Variants in DCHS2 observed in about 807,000 individuals in gnomAD.
The protein encoded by DCHS2 is dachsous cadherin-related 2.
Under a neutral mutation model 182.4 loss-of-function variants are expected in DCHS2, and 142 were observed. The observed-to-expected ratio is 0.78, with a 90% confidence interval of 0.68 to 0.89. DCHS2 has a LOEUF of 0.89. Among genes scored for constraint, DCHS2 ranks in the 40% least tolerant of loss-of-function variants. DCHS2 has a pLI of 0.00. For synonymous variants in DCHS2, 1,740 were observed against 1,663.3 expected (o/e 1.05, Z -1.12); for missense variants, 4,319 against 4,198.6 (o/e 1.03, Z -0.79).
intron 3 of DCHS2, among the ~76,000 whole-genome samples, chr4:154,340,750 A>T (rs969252604): frequency 6.6e-6 from 1 of 152,246 alleles, no homozygotes; most frequent in Non-Finnish European, 1.5e-5. Context: ...AAAGGGAAGA[A>T]AAAGGGAGAC....
intron 1 of DCHS2, among the ~76,000 whole-genome samples, chr4:154,431,047 C>A (rs1223928410): frequency 6.6e-6 from 1 of 152,182 alleles, no homozygotes; most frequent in African/African-American, 2.4e-5. Context: ...TTATTCTTAG[C>A]TGTCTACATG....
intron 1 of DCHS2, among the ~76,000 whole-genome samples, chr4:154,467,925 A>G (rs1006062447): frequency 1.3e-5 from 2 of 152,190 alleles, no homozygotes; most frequent in South Asian, 4.1e-4. Context: ...ATTGAATAGC[A>G]TGAAACAGTT....
At chr4:154,323,714 G>A (rs1736171315) in intron 7 of DCHS2, among the ~76,000 whole-genome samples, 1 of 152,112 alleles carries the variant, frequency 6.6e-6, no homozygotes, top group Admixed American at 6.5e-5. Context: ...TCAAAACTTT[G>A]TTTCATGCAC....
intron 16 of DCHS2, among the ~76,000 whole-genome samples, chr4:154,251,662 GA>G (rs1215048454): frequency 6.6e-6 from 1 of 152,106 alleles, no homozygotes; most frequent in Non-Finnish European, 1.5e-5. Flanking sequence ...GGGATTACAG[GA>G]GCCCGCCACC....
At chr4:154,430,840 G>A (rs1206401549) in intron 1 of DCHS2, among the ~76,000 whole-genome samples, 2 of 152,016 alleles carry the variant, frequency 1.3e-5, no homozygotes, top group East Asian at 1.9e-4. Context: ...ATCCTACCCT[G>A]TGGCCCTGCA....
At chr4:154,322,184 T>C (rs2111338430) in intron 8 of DCHS2, 147 bp downstream of exon 8, 1 of 1,169,062 alleles carries the variant, frequency 8.6e-7, no homozygotes, top group East Asian at 2.6e-5. Flanking sequence ...AAGTATGCTA[T>C]GTGCAATGCT....
At chr4:154,241,378 A>T (rs997862992) in intron 17 of DCHS2, among the ~76,000 whole-genome samples, 1 of 152,180 alleles carries the variant, frequency 6.6e-6, no homozygotes, top group African/African-American at 2.4e-5. Context: ...AATTATTAAG[A>T]CTATAGAAAA....
rs536762626 is a variant in DCHS2 at position 154,415,650 on chromosome 4, G to A, written c.2053-38206C>T. On this transcript the variant is annotated intron_variant, in intron 1 of 19. Transcript: ENST00000357232. ...CAAGTAAGCCTGACCTTGGGTACTG[G>A]AGACCTAAAGCTACGGTATCTCCAG... is the stretch of plus-strand genomic sequence containing the variant. Among the ~76,000 whole-genome samples the A allele has an allele frequency of 1.3e-3, 193 of 152,268 alleles. 1 individual carries two copies. The highest frequency in any genetic ancestry group is 4.4e-3 in the African/African-American group (182 of 41,552).
chr4:154,309,243 C>T (rs1015268009), intron 10 of DCHS2, among the ~76,000 whole-genome samples: 1 of 152,142 alleles, frequency 6.6e-6, no homozygotes. Context: ...TTCTGTACTC[C>T]ACCCTGTGAT....
At chr4:154,365,630 C>T (rs1387877529) in intron 3 of DCHS2, among the ~76,000 whole-genome samples, 2 of 151,472 alleles carry the variant, frequency 1.3e-5, no homozygotes, top group African/African-American at 4.9e-5. Context: ...AGGAGTCAGC[C>T]ACAGAGCCCA....
intron 13 of DCHS2, among the ~76,000 whole-genome samples, chr4:154,275,069 G>A (rs1733779026): frequency 6.6e-6 from 1 of 150,680 alleles, no homozygotes; most frequent in Admixed American, 6.6e-5. Context: ...ATATGTAAAA[G>A]GATTTTACTG....
At position 154,270,029 on chromosome 4, in the gene DCHS2, A is replaced by T. The variant is rs1733507263; in HGVS notation, c.6464-16T>A. ...ATAGAAGTACCTGTAAAAATTAGGT[A>T]AAAAAAGAACTCCATTAGGATAAAA... On this transcript the variant is annotated splice_polypyrimidine_tract_variant and intron_variant, in intron 13 of 19. Coordinates refer to ENST00000357232, the MANE Select transcript of DCHS2 (RefSeq NM_001358235.2). 1 of 1,582,126 alleles carries T rather than the reference A, an allele frequency of 6.3e-7. No homozygotes were observed. The highest frequency in any genetic ancestry group is 8.5e-7 in the Non-Finnish European group (1 of 1,170,248).
At chr4:154,244,312 G>C (rs1731975140) in intron 16 of DCHS2, among the ~76,000 whole-genome samples, 1 of 152,156 alleles carries the variant, frequency 6.6e-6, no homozygotes, top group African/African-American at 2.4e-5. Flanking sequence ...TCATGTGTTG[G>C]TCAACTGGAA....
chr4:154,481,454 G>C (rs1436864270), intron 1 of DCHS2, among the ~76,000 whole-genome samples: 2 of 151,976 alleles, frequency 1.3e-5, no homozygotes, highest in East Asian at 3.9e-4. Flanking sequence ...TAGAGGTTTT[G>C]CTCTGTTGCC....
At chr4:154,239,458 A>G (rs1251721428) in intron 18 of DCHS2, among the ~76,000 whole-genome samples, 156 bp from the exon 19 acceptor site, 1 of 152,204 alleles carries the variant, frequency 6.6e-6, no homozygotes, top group African/African-American at 2.4e-5. Context: ...TGGAATTGGC[A>G]TATTAAAAAG....
intron 1 of DCHS2, among the ~76,000 whole-genome samples, chr4:154,444,239 T>A (rs1482843414): frequency 2.0e-5 from 3 of 152,152 alleles, no homozygotes; most frequent in Middle Eastern, 3.2e-3. Context: ...GAATTGTATA[T>A]CCAATTCTGA....
intron 1 of DCHS2, among the ~76,000 whole-genome samples, chr4:154,443,236 A>G (rs550734070): frequency 3.9e-5 from 6 of 152,318 alleles, no homozygotes; most frequent in South Asian, 2.1e-4. Flanking sequence ...CTAGACCAAT[A>G]CGGCTAAACA....
intron 3 of DCHS2, among the ~76,000 whole-genome samples, chr4:154,340,197 G>A (rs1728999379): frequency 6.6e-6 from 1 of 151,972 alleles, no homozygotes; most frequent in African/African-American, 2.4e-5. Context: ...CTTAAAAATA[G>A]GATTCTAATT....
At position 154,320,679 on chromosome 4, in the gene DCHS2, G is replaced by A. The variant is rs139445399; in HGVS notation, c.4720C>T (p.Arg1574Cys). The A allele has an allele frequency of 2.3e-5, 37 of 1,613,872 alleles. No homozygotes were observed. The highest frequency in any genetic ancestry group is 6.6e-5 in the South Asian group (6 of 91,078). ...GTTGGAATGCTTTCTCTGTCAAGAC[G>A]GGACACAGTGACTAGTGTGCCAAAT... ...PSFGTLVTVS[R>C]LDRESIPTVI... The change falls in exon 9 of 20, where the codon CGT becomes TGT. Residue 1574 changes from arginine to cysteine, a missense_variant. Physicochemically the swap from Arg to Cys is radical, Grantham distance 180 (BLOSUM62 -3). Transcript: ENST00000357232.
Sources: gnomAD v4.1 joint callset for allele counts (sites outside exome capture counted in the v4.1 genomes callset) on GRCh38, gnomAD v4.1.1 for gene constraint, MANE v1.5 for transcripts, NCBI Gene and HGNC (gene_info 2026-07-23, HGNC 2026-07-21) for gene names.